DMTF1: variants seen among roughly 807,000 people sequenced by gnomAD.
The protein encoded by DMTF1 is cyclin-D-binding Myb-like transcription factor 1.
In DMTF1, 39 loss-of-function variants were observed where a neutral mutation model predicts 91.1. That is an observed-to-expected ratio of 0.43 (90% CI 0.33 to 0.56). DMTF1 has a LOEUF of 0.56. DMTF1 is among the 20% of genes least tolerant of loss of function. The pLI, the probability that DMTF1 is intolerant of heterozygous loss-of-function variation, is 0.05. For synonymous variants in DMTF1, 338 were observed against 309.5 expected (o/e 1.09, Z -0.97); for missense variants, 750 against 914.5 (o/e 0.82, Z 2.32).
intron 15 of DMTF1, 68 bp from the exon 16 acceptor site, chr7:87,193,655 GGA>G: frequency 7.4e-7 from 1 of 1,359,094 alleles, no homozygotes; most frequent in East Asian, 2.3e-5. Flanking sequence ...AGATGTGGGG[GGA>G]GACAGTGAGG....
chr7:87,160,192 A>T (rs1362375848), intron 1 of DMTF1, among the ~76,000 whole-genome samples: 1 of 152,164 alleles, frequency 6.6e-6, no homozygotes, highest in Non-Finnish European at 1.5e-5. Context: ...TATTCTGTGT[A>T]ACAACTGTCT....
intron 7 of DMTF1, among the ~76,000 whole-genome samples, chr7:87,177,883 A>T (rs920618170): frequency 6.6e-6 from 1 of 151,924 alleles, no homozygotes; most frequent in East Asian, 1.9e-4. Flanking sequence ...CTGTTTGTTG[A>T]TACTTGCACC....
In DMTF1 at chr7:87,165,113, G is replaced by C. The variant is rs893188276; in HGVS notation, c.109+63G>C. The C allele has an allele frequency of 9.7e-6, 12 of 1,243,062 alleles. No homozygotes were observed. In the East Asian group the frequency reaches 2.5e-4, roughly 25 times the overall value. The allele number at this position is 1,243,062 out of a possible 1,614,324, so 77.0% of individuals were successfully genotyped here. A position where few individuals can be genotyped will look rare whatever the true frequency, so the allele number is the denominator to read the frequency against. On this transcript the variant is annotated intron_variant, in intron 3 of 17. Transcript: ENST00000331242. ...AATTTATGAATTCCATGTCACTTTTGACCCCTATTGCCCAAATAGGGGTCT... is the reference window on the plus strand; with the variant it reads ...AATTTATGAATTCCATGTCACTTTTCACCCCTATTGCCCAAATAGGGGTCT...
intron 1 of DMTF1, among the ~76,000 whole-genome samples, chr7:87,159,938 G>A (rs1464141194): frequency 6.6e-6 from 1 of 152,164 alleles, no homozygotes; most frequent in African/African-American, 2.4e-5. Context: ...AAAATGTTAC[G>A]TGTTACATGA....
At position 87,173,546 on chromosome 7, in the gene DMTF1, T is replaced by G; in HGVS notation, c.339T>G (p.Asn113Lys). ...GTVTQIQILQ[N>K]EQLDEISPLG... ...TTTACCTTTTCAAGATTTTGCAGAA[T>G]GAGCAACTAGATGAAATATCTCCCT... is the stretch of plus-strand genomic sequence containing the variant. Residue 113 changes from asparagine (N) to lysine (K), a missense_variant, in exon 6 of 18, where the codon AAT becomes AAG. Around this residue, in one of 3 missense-constraint regions of DMTF1, gnomAD observed 150 missense variants for 150.4 expected, o/e 1.00. Coordinates refer to ENST00000331242, the MANE Select transcript of DMTF1 (RefSeq NM_001142327.2). 6.2e-7 allele frequency: 1 copy of G among 1,603,030 alleles called. No homozygotes were observed. Among genetic ancestry groups the G allele is most frequent in the Non-Finnish European group, 8.5e-7 (1 of 1,174,802 alleles).
rs1791228952 is a variant in DMTF1, at chr7:87,158,041, A to G, written c.-131-5454A>G. On this transcript the variant is annotated intron_variant, in intron 1 of 17. Coordinates refer to ENST00000331242, the MANE Select transcript of DMTF1 (RefSeq NM_001142327.2). ...TGTATTTTCCTGCCTTGTTTCATGC[A>G]TAAATAACAATCTAAGTAGTCATAA... Among the ~76,000 whole-genome samples, 3 of 152,242 alleles carry G rather than the reference A, an allele frequency of 2.0e-5. No homozygotes were observed. In the South Asian group the frequency reaches 6.2e-4, roughly 32 times the overall value.
At chr7:87,155,380 TACC>T (rs1248210921) in intron 1 of DMTF1, 1 of 152,192 alleles carries the variant, frequency 6.6e-6, no homozygotes, top group Non-Finnish European at 1.5e-5. Context: ...TTTTTTTTCT[TACC>T]ACCATCATAT....
At chr7:87,169,501 T>C (rs1481329660) in intron 4 of DMTF1, among the ~76,000 whole-genome samples, 1 of 152,188 alleles carries the variant, frequency 6.6e-6, no homozygotes, top group Non-Finnish European at 1.5e-5. Flanking sequence ...TGGTTCTTAC[T>C]CAATTTTCCT....
At chr7:87,160,332 T>C (rs117804856) in intron 1 of DMTF1, among the ~76,000 whole-genome samples, 5,531 of 151,118 alleles carry the variant, frequency 0.037, 121 homozygotes, top group East Asian at 0.065. Flanking sequence ...TGGAGTGCAA[T>C]GGGACGATCT....
intron 7 of DMTF1, among the ~76,000 whole-genome samples, chr7:87,176,448 G>A (rs1044914962): frequency 1.3e-5 from 2 of 152,200 alleles, no homozygotes; most frequent in Non-Finnish European, 2.9e-5. Flanking sequence ...GGGGATTGAA[G>A]TAGATGATCT....
chr7:87,154,727 A>G (rs955988455), intron 1 of DMTF1, among the ~76,000 whole-genome samples: 4 of 152,338 alleles, frequency 2.6e-5, no homozygotes, highest in Middle Eastern at 6.8e-3. Context: ...GGAGACTCAT[A>G]TCAAAAGTAG....
At chr7:87,173,896 G>T (rs1795665189) in intron 6 of DMTF1, among the ~76,000 whole-genome samples, 1 of 152,086 alleles carries the variant, frequency 6.6e-6, no homozygotes, top group South Asian at 2.1e-4. Context: ...GTTAATTTTT[G>T]AACAAATGCA....
At chr7:87,152,620 C>T (rs1789418855) in intron 1 of DMTF1, 65 bp downstream of exon 1, 1 of 152,814 alleles carries the variant, frequency 6.5e-6, no homozygotes, top group Admixed American at 6.5e-5. Context: ...TGGAGCCTGT[C>T]CGGCCCCCTT....
At chr7:87,159,718 CAG>C (rs1791755095) in intron 1 of DMTF1, among the ~76,000 whole-genome samples, 1 of 152,148 alleles carries the variant, frequency 6.6e-6, no homozygotes, top group African/African-American at 2.4e-5. Context: ...TGCTTAATGA[CAG>C]AGTTCTGAGA....
rs139102824 is a variant in DMTF1, at chr7:87,159,797, T to C, written c.-131-3698T>C. On this transcript the variant is annotated intron_variant, in intron 1 of 17. Transcript: ENST00000331242. Reference sequence around the variant, plus strand: ...CACAGACCTGTACAGCGTGTTACTGTACTGAGTACAATGTTAACACAATGG... The same window carrying C: ...CACAGACCTGTACAGCGTGTTACTGCACTGAGTACAATGTTAACACAATGG... 4.0e-3 allele frequency among the ~76,000 whole-genome samples: 614 copies of C among 152,378 alleles called. 1 individual carries two copies. Among genetic ancestry groups the C allele is most frequent in the Middle Eastern group, 6.8e-3 (2 of 294 alleles).
chr7:87,174,700 A>C, intron 7 of DMTF1, 31 bp downstream of exon 7: 2 of 1,521,356 alleles, frequency 1.3e-6, no homozygotes, highest in Non-Finnish European at 1.8e-6. Flanking sequence ...ATGTTTCACC[A>C]ATTTGTTTAT....
At chr7:87,193,457 C>T in intron 15 of DMTF1, 104 bp downstream of exon 15, 2 of 1,201,862 alleles carry the variant, frequency 1.7e-6, no homozygotes, top group South Asian at 1.4e-5. Flanking sequence ...CTTCCTACTG[C>T]TGCTGTTCCA....
At position 87,194,719 on chromosome 7, in the gene DMTF1, T is replaced by G. The variant is rs1800851586; in HGVS notation, c.2064T>G (p.Asp688Glu). Residue 688 changes from aspartate to glutamate, a missense_variant, in exon 17 of 18, where the codon GAT becomes GAG. Transcript: ENST00000331242. The part of the protein sequence containing the change: ...LESPTIEEQV[D>E]QTIDDETILI... ...CTCCCACTATAGAAGAACAAGTTGA[T>G]CAAACAATTGATGATGAAACAATAC... 1.9e-6 allele frequency: 3 copies of G among 1,610,836 alleles called. No individual in the cohort carries two copies. The South Asian group carries it at 3.3e-5, about 18-fold the overall frequency.
chr7:87,184,255 A>G lies in DMTF1; in HGVS notation c.821-142A>G, dbSNP rs115092662. The G allele has an allele frequency of 1.6e-3, 1,116 of 700,832 alleles. 9 individuals are homozygous for G. The African/African-American group carries it at 0.019, about 12-fold the overall frequency. 43.4% of individuals were successfully genotyped at this position (700,832 alleles called of 1,614,324 possible). On this transcript the variant is annotated intron_variant, in intron 10 of 17. Coordinates refer to ENST00000331242, the MANE Select transcript of DMTF1 (RefSeq NM_001142327.2). ...AAAATGAAACTGTCTTAGTGGGTATATATGGTTTTCCACCAGAGGGTCATT... is the reference window on the plus strand; with the variant it reads ...AAAATGAAACTGTCTTAGTGGGTATGTATGGTTTTCCACCAGAGGGTCATT...
Sources: gnomAD v4.1 joint callset for allele counts (sites outside exome capture counted in the v4.1 genomes callset) on GRCh38, gnomAD v4.1.1 for gene constraint, gnomAD v4.1.1 regional missense constraint, MANE v1.5 for transcripts, NCBI Gene and HGNC (gene_info 2026-07-23, HGNC 2026-07-21) for gene names.